The following CCDC149 variants were observed in gnomAD, a reference collection of about 807,000 sequenced individuals.
CCDC149 encodes coiled-coil domain-containing protein 149.
Under a neutral mutation model 59.9 loss-of-function variants are expected in CCDC149, and 45 were observed. The observed-to-expected ratio is 0.75, with a 90% confidence interval of 0.59 to 0.96. CCDC149 has a LOEUF of 0.96. CCDC149 is among the 40% of genes least tolerant of loss of function. The probability of loss-of-function intolerance (pLI) is 0.00; values close to 1 mark genes in which losing one functional copy is unlikely to be tolerated. For synonymous variants in CCDC149, 245 were observed against 260.6 expected (o/e 0.94, Z 0.58); for missense variants, 584 against 664.7 (o/e 0.88, Z 1.33).
chr4:24,893,359 T>C (rs1720636444), intron 1 of CCDC149, among the ~76,000 whole-genome samples: 1 of 152,162 alleles, frequency 6.6e-6, no homozygotes, highest in Admixed American at 6.5e-5. Context: ...ATTTAAGCAA[T>C]TATTAATTCT....
chr4:24,874,504 C>T (rs1044551056), intron 2 of CCDC149, among the ~76,000 whole-genome samples: 1 of 151,900 alleles, frequency 6.6e-6, no homozygotes, highest in Non-Finnish European at 1.5e-5. Context: ...ATTGCTTGTA[C>T]CCAGGAGGCA....
At chr4:24,856,249 G>T (rs1299503039) in intron 3 of CCDC149, among the ~76,000 whole-genome samples, 1 of 152,108 alleles carries the variant, frequency 6.6e-6, no homozygotes, top group Non-Finnish European at 1.5e-5. Context: ...TATTTATTGG[G>T]CACCTGGCAT....
chr4:24,894,086 C>T (rs564420139), intron 1 of CCDC149, among the ~76,000 whole-genome samples: 1 of 152,166 alleles, frequency 6.6e-6, no homozygotes, highest in Non-Finnish European at 1.5e-5. Flanking sequence ...CTTGCATATT[C>T]CCTGATGTCT....
chr4:24,808,631 T>C lies in CCDC149; in HGVS notation c.1381A>G (p.Ile461Val). ...GCCTGTTCCTTTGTCAGTTTAATTATTTCCCTCCCAAGGCTGTTTACTTCT... is the reference window on the plus strand; with the variant it reads ...GCCTGTTCCTTTGTCAGTTTAATTACTTCCCTCCCAAGGCTGTTTACTTCT... The change falls in exon 13 of 13, where the codon ATA becomes GTA. Residue 461 changes from isoleucine (I) to valine (V), a missense_variant. Physicochemically the swap from Ile to Val is conservative, Grantham distance 29. Transcript: ENST00000635206. 1.9e-6 allele frequency: 3 copies of C among 1,552,372 alleles called. No homozygotes were observed. Among genetic ancestry groups the C allele is most frequent in the Non-Finnish European group, 2.6e-6 (3 of 1,147,122 alleles).
intron 3 of CCDC149, among the ~76,000 whole-genome samples, chr4:24,872,033 A>G (rs560868242): frequency 4.0e-4 from 61 of 152,264 alleles, no homozygotes; most frequent in Non-Finnish European, 7.5e-4. Context: ...AAAGTAACAT[A>G]TAAGAAACCT....
intron 1 of CCDC149, among the ~76,000 whole-genome samples, chr4:24,933,090 C>A (rs558460635): frequency 3.3e-5 from 5 of 152,262 alleles, no homozygotes; most frequent in East Asian, 1.9e-4. Flanking sequence ...CTATGACTAA[C>A]AAAGAGGGGG....
At chr4:24,862,035 G>C (rs1444944767) in intron 3 of CCDC149, among the ~76,000 whole-genome samples, 1 of 152,188 alleles carries the variant, frequency 6.6e-6, no homozygotes, top group Non-Finnish European at 1.5e-5. Flanking sequence ...GAAGAAGAGA[G>C]AGACTCCTAT....
chr4:24,935,677 C>A (rs1219028954), intron 1 of CCDC149, among the ~76,000 whole-genome samples: 1 of 152,086 alleles, frequency 6.6e-6, no homozygotes, highest in Non-Finnish European at 1.5e-5. Flanking sequence ...CAGGGCATTG[C>A]CTGTGGATTT....
At chr4:24,881,233 C>T (rs1430244981) in intron 1 of CCDC149, among the ~76,000 whole-genome samples, 2 of 152,332 alleles carry the variant, frequency 1.3e-5, no homozygotes, top group South Asian at 2.1e-4. Flanking sequence ...ATGGCTCTTG[C>T]TAATATTTCT....
At chr4:24,817,316 C>T (rs1194679728) in intron 12 of CCDC149, among the ~76,000 whole-genome samples, 1 of 152,134 alleles carries the variant, frequency 6.6e-6, no homozygotes, top group African/African-American at 2.4e-5. Context: ...TCCAGGCCAG[C>T]CTTACAAGCA....
intron 1 of CCDC149, among the ~76,000 whole-genome samples, chr4:24,904,211 TTAATA>T (rs1721343085): frequency 6.6e-6 from 1 of 152,210 alleles, no homozygotes; most frequent in Non-Finnish European, 1.5e-5. Flanking sequence ...TGTGCACATT[TTAATA>T]TATTAATTCT....
chr4:24,961,188 T>C (rs773050018), intron 1 of CCDC149, among the ~76,000 whole-genome samples: 20 of 152,190 alleles, frequency 1.3e-4, no homozygotes, highest in Non-Finnish European at 2.9e-4. Context: ...AAGAAGAAGG[T>C]GGATAGCCTA....
intron 1 of CCDC149, among the ~76,000 whole-genome samples, chr4:24,933,919 G>A (rs1722663528): frequency 1.3e-5 from 2 of 152,120 alleles, no homozygotes; most frequent in Admixed American, 6.5e-5. Flanking sequence ...ACCACTTGTT[G>A]GCATTCTGTT....
intron 1 of CCDC149, among the ~76,000 whole-genome samples, chr4:24,887,883 C>G (rs1259350682): frequency 6.6e-6 from 1 of 152,148 alleles, no homozygotes; most frequent in Non-Finnish European, 1.5e-5. Flanking sequence ...ACCCACCTCT[C>G]CAACTTCATC....
intron 12 of CCDC149, among the ~76,000 whole-genome samples, chr4:24,810,193 G>A (rs1714505249): frequency 6.6e-6 from 1 of 152,160 alleles, no homozygotes; most frequent in Non-Finnish European, 1.5e-5. Flanking sequence ...CTAAACATTT[G>A]ACGTGTTTAT....
chr4:24,966,262 G>C (rs1211418055), intron 1 of CCDC149, among the ~76,000 whole-genome samples: 4 of 152,136 alleles, frequency 2.6e-5, no homozygotes, highest in African/African-American at 9.7e-5. Flanking sequence ...GTAAATGGCA[G>C]TCATATGCCA....
At chr4:24,846,124 G>A (rs1717269656) in intron 4 of CCDC149, among the ~76,000 whole-genome samples, 1 of 152,164 alleles carries the variant, frequency 6.6e-6, no homozygotes, top group African/African-American at 2.4e-5. Flanking sequence ...GCCATGACAG[G>A]CTCAAATGAG....
At chr4:24,880,603 C>CA (rs1719778629) in intron 1 of CCDC149, among the ~76,000 whole-genome samples, 1 of 152,058 alleles carries the variant, frequency 6.6e-6, no homozygotes, top group East Asian at 1.9e-4. Context: ...AAACAAACAA[C>CA]AAAAAACTAG....
chr4:24,874,255 T>TTTTG lies in CCDC149; in HGVS notation c.226-537_226-536insCAAA, dbSNP rs1560230487. On this transcript the variant is annotated intron_variant, in intron 2 of 12. Transcript: ENST00000635206. The stretch of plus-strand genomic sequence containing the variant: ...GTCCTATTAGATTTGTTTTTTTTTT[T>TTTTG]TTTTGTTTTGTTTTTTTTTGTTTTT... Among the ~76,000 whole-genome samples, 26 of 80,714 alleles carry TTTTG rather than the reference T, an allele frequency of 3.2e-4. 4 individuals carry two copies. The highest frequency in any genetic ancestry group is 1.7e-3 in the African/African-American group (25 of 14,508). 53.0% of individuals were successfully genotyped at this position (80,714 alleles called of 152,430 possible).
Sources: allele counts gnomAD v4.1 joint callset (sites outside exome capture counted in the v4.1 genomes callset), GRCh38; gene constraint gnomAD v4.1.1; transcripts MANE v1.5; gene names NCBI Gene and HGNC (gene_info 2026-07-23, HGNC 2026-07-21).